The following MED17 variants were observed in gnomAD, a reference collection of about 807,000 sequenced individuals.
MED17 encodes the protein mediator complex subunit 17.
MED17 carries 49 observed loss-of-function variants against 80.8 expected under a neutral mutation model. That is an observed-to-expected ratio of 0.61 (90% confidence interval 0.48 to 0.77). The LOEUF (loss-of-function observed/expected upper bound fraction) is 0.77, where lower values mean the gene tolerates loss of function less well. Among genes scored for constraint, MED17 ranks in the 30% least tolerant of loss-of-function variants. The probability of loss-of-function intolerance (pLI) is 0.00; values close to 1 mark genes in which losing one functional copy is unlikely to be tolerated. For synonymous variants in MED17, 281 were observed against 280.4 expected (o/e 1.00, Z -0.02); for missense variants, 718 against 787.0 (o/e 0.91, Z 1.05).
chr11:93,800,559 G>A (rs1943951987), intron 8 of MED17: 1 of 151,888 alleles, frequency 6.6e-6, no homozygotes, highest in African/African-American at 2.4e-5. Context: ...AACCTGGAAG[G>A]TGGAGGTTGC....
chr11:93,807,646 C>G lies in MED17; in HGVS notation c.1584+11C>G, dbSNP rs1313188859. 6.7e-7 allele frequency: 1 copy of G among 1,491,502 alleles called. No homozygotes were observed. Among genetic ancestry groups the G allele is most frequent in the South Asian group, 1.1e-5 (1 of 88,630 alleles). The allele number at this position is 1,491,502 out of a possible 1,614,324, so 92.4% of individuals were successfully genotyped here. On this transcript the variant is annotated intron_variant, in intron 10 of 11. Transcript: ENST00000251871. ...TTTCTTCTGTCTCAGGTAACAGTTGCAGATTTTGTCTTAAGCCCCCTTCTT... is the reference window on the plus strand; with the variant it reads ...TTTCTTCTGTCTCAGGTAACAGTTGGAGATTTTGTCTTAAGCCCCCTTCTT...
chr11:93,793,538 C>A, intron 3 of MED17, 190 bp from the exon 4 acceptor site: 4 of 515,804 alleles, frequency 7.8e-6, no homozygotes, highest in South Asian at 5.0e-5. Flanking sequence ...AGGTAAATAA[C>A]CACCCCCCAC....
In MED17 at chr11:93,784,502, G is replaced by C; in HGVS notation, c.-12G>C. ...GTGGGGGGTCCTCCCACCGCTGGCC[G>C]ACGCAGCCAGCATGTCCGGGGTGCG... On this transcript the variant is annotated 5_prime_UTR_variant, in exon 1 of 12. Transcript: ENST00000251871. 6.3e-7 allele frequency: 1 copy of C among 1,591,350 alleles called. No individual in the cohort carries two copies.
intron 6 of MED17, chr11:93,795,299 A>G: frequency 3.6e-6 from 2 of 559,160 alleles, no homozygotes; most frequent in Non-Finnish European, 6.3e-6. Flanking sequence ...TTATGTAGTC[A>G]TTATTGTGGT....
At chr11:93,809,619 A>C in intron 10 of MED17, 98 bp from the exon 11 acceptor site, 5 of 1,251,532 alleles carry the variant, frequency 4.0e-6, no homozygotes, top group Non-Finnish European at 5.8e-6. Context: ...TGTAGTAGTC[A>C]GTGAGCACCC....
chr11:93,811,855 C>A lies in MED17; in HGVS notation c.1747C>A (p.Arg583Ser). 1.2e-6 allele frequency: 2 copies of A among 1,613,918 alleles called. No homozygotes were observed. Among genetic ancestry groups the A allele is most frequent in the South Asian group, 1.1e-5 (1 of 91,058 alleles). ...SPSGDYAISV[R>S]NGPESGSKIM... ...GATATTTTGGTTTTTCTCCACAGTT[C>A]GTAATGGACCTGAAAGTGGCAGCAA... Residue 583 changes from arginine to serine, a missense_variant and splice_region_variant, in exon 12 of 12, where the codon CGT becomes AGT. Arg to Ser is a moderately radical substitution (Grantham distance 110). Coordinates refer to ENST00000251871, the MANE Select transcript of MED17 (RefSeq NM_004268.5).
At position 93,784,501 on chromosome 11, in the gene MED17, C is replaced by G; in HGVS notation, c.-13C>G. 6.3e-7 allele frequency: 1 copy of G among 1,591,254 alleles called. No homozygotes were observed. Among genetic ancestry groups the G allele is most frequent in the East Asian group, 2.3e-5 (1 of 44,266 alleles). On this transcript the variant is annotated 5_prime_UTR_variant, in exon 1 of 12. Transcript: ENST00000251871. ...CGTGGGGGGTCCTCCCACCGCTGGC[C>G]GACGCAGCCAGCATGTCCGGGGTGC...
intron 3 of MED17, among the ~76,000 whole-genome samples, chr11:93,791,725 G>GGACA (rs768837446): frequency 3.3e-5 from 5 of 151,666 alleles, no homozygotes; most frequent in Non-Finnish European, 7.4e-5. Flanking sequence ...AACGAAAACT[G>GGACA]GACATGATGC....
In MED17 at chr11:93,812,421, T is replaced by C; in HGVS notation, c.*357T>C. 2.1e-6 allele frequency: 1 copy of C among 480,992 alleles called. No homozygotes were observed. 29.8% of individuals were successfully genotyped at this position (480,992 alleles called of 1,614,324 possible). A position where few individuals can be genotyped will look rare whatever the true frequency, so the allele number is the denominator to read the frequency against. On this transcript the variant is annotated 3_prime_UTR_variant, in exon 12 of 12. Coordinates refer to ENST00000251871, the MANE Select transcript of MED17 (RefSeq NM_004268.5). The stretch of plus-strand genomic sequence containing the variant: ...TTTAAAAAAATCTCCAAATACCTTT[T>C]TTTCCCCCCAAATACTTTCTAAACT...
chr11:93,790,465 G>GCC, intron 2 of MED17, 109 bp from the exon 3 acceptor site: 1 of 877,580 alleles, frequency 1.1e-6, no homozygotes, highest in East Asian at 2.4e-5. Context: ...ATGTGTACTT[G>GCC]CCCCTCCTTT....
intron 8 of MED17, 120 bp from the exon 9 acceptor site, chr11:93,801,715 C>A: frequency 1.1e-6 from 1 of 907,816 alleles, no homozygotes; most frequent in Non-Finnish European, 1.8e-6. Context: ...TCTGCCTACA[C>A]ATAGTGGTAG....
chr11:93,806,507 A>G (rs1298876435), intron 9 of MED17: 2 of 152,126 alleles, frequency 1.3e-5, no homozygotes, highest in Admixed American at 6.5e-5. Context: ...CTTGTTATTT[A>G]CTGGCTATTG....
At chr11:93,802,062 T>G (rs1251799237) in intron 9 of MED17, 90 bp downstream of exon 9, 2 of 1,237,000 alleles carry the variant, frequency 1.6e-6, no homozygotes. Flanking sequence ...TGGTTTTTAT[T>G]TGCTAGGGTG....
At chr11:93,800,189 T>G (rs1943947173) in intron 8 of MED17, among the ~76,000 whole-genome samples, 1 of 152,122 alleles carries the variant, frequency 6.6e-6, no homozygotes, top group Non-Finnish European at 1.5e-5. Flanking sequence ...GAAAATAAAT[T>G]TCAGAATGTA....
intron 11 of MED17, chr11:93,811,125 C>T (rs1275325080): frequency 6.6e-6 from 1 of 152,300 alleles, no homozygotes; most frequent in African/African-American, 2.4e-5. Flanking sequence ...AATATTTCCT[C>T]ACAGGATCAC....
At chr11:93,794,209 T>TC in intron 5 of MED17, 174 bp downstream of exon 5, 1 of 513,098 alleles carries the variant, frequency 1.9e-6, no homozygotes, top group Non-Finnish European at 3.4e-6. Context: ...ATTTTTTTTT[T>TC]TTTTTTTTTT....
At chr11:93,811,458 C>T (rs775210598) in intron 11 of MED17, 1 of 221,480 alleles carries the variant, frequency 4.5e-6, no homozygotes, top group Non-Finnish European at 9.0e-6. Context: ...ATTGCTTGAG[C>T]CCAGGAGTTT....
Position 93,812,444 on chromosome 11 carries a change from A to C in MED17, c.*380A>C. 3 of 417,404 alleles carry C rather than the reference A, an allele frequency of 7.2e-6. No homozygotes were observed. Among genetic ancestry groups the C allele is most frequent in the South Asian group, 3.9e-5 (1 of 25,888 alleles). 25.9% of individuals were successfully genotyped at this position (417,404 alleles called of 1,614,324 possible). ...TTTTTTCCCCCCAAATACTTTCTAA[A>C]CTTTTTTTTTTTGAGATGGTATCTC... On this transcript the variant is annotated 3_prime_UTR_variant, in exon 12 of 12. Transcript: ENST00000251871.
In MED17 at chr11:93,811,844, T is replaced by C. The variant is rs1944087670; in HGVS notation, c.1745-9T>C. 6.2e-7 allele frequency: 1 copy of C among 1,613,996 alleles called. No individual in the cohort carries two copies. The highest frequency in any genetic ancestry group is 8.5e-7 in the Non-Finnish European group (1 of 1,179,878). On this transcript the variant is annotated splice_polypyrimidine_tract_variant and intron_variant, in intron 11 of 11. Coordinates refer to ENST00000251871, the MANE Select transcript of MED17 (RefSeq NM_004268.5). Reference sequence around the variant, plus strand: ...TAGAGTGTATTGATATTTTGGTTTTTCTCCACAGTTCGTAATGGACCTGAA... The same window carrying C: ...TAGAGTGTATTGATATTTTGGTTTTCCTCCACAGTTCGTAATGGACCTGAA...
Sources: allele counts gnomAD v4.1 joint callset (sites outside exome capture counted in the v4.1 genomes callset), GRCh38; gene constraint gnomAD v4.1.1; transcripts MANE v1.5; gene names NCBI Gene and HGNC (gene_info 2026-07-23, HGNC 2026-07-21).